DNAJC6: variants seen among roughly 807,000 people sequenced by gnomAD.
The protein encoded by DNAJC6 is DnaJ heat shock protein family (Hsp40) member C6.
Under a neutral mutation model 110.0 loss-of-function variants are expected in DNAJC6, and 34 were observed. That is an observed-to-expected ratio of 0.31 (90% CI 0.24 to 0.41). The LOEUF (loss-of-function observed/expected upper bound fraction) is 0.41, where lower values mean the gene tolerates loss of function less well. Ranked by LOEUF, DNAJC6 falls within the 10% of genes least tolerant of loss-of-function variation. The probability of loss-of-function intolerance (pLI) is 1.00; values close to 1 mark genes in which losing one functional copy is unlikely to be tolerated. For synonymous variants in DNAJC6, 406 were observed against 437.2 expected (o/e 0.93, Z 0.89); for missense variants, 1,031 against 1,207.8 (o/e 0.85, Z 2.17).
chr1:65,398,522 A>G (rs967105925), intron 13 of DNAJC6, among the ~76,000 whole-genome samples: 2 of 152,238 alleles, frequency 1.3e-5, no homozygotes, highest in Non-Finnish European at 1.5e-5. Flanking sequence ...CACATGCTCA[A>G]TGATAACTCA....
chr1:65,387,069 T>C, intron 8 of DNAJC6, 140 bp downstream of exon 8: 1 of 714,180 alleles, frequency 1.4e-6, no homozygotes, highest in South Asian at 1.8e-5. Flanking sequence ...ATTGCTTAGC[T>C]CACCTCCTTC....
intron 1 of DNAJC6, among the ~76,000 whole-genome samples, chr1:65,317,844 T>C (rs1396336716): frequency 1.3e-5 from 2 of 152,214 alleles, no homozygotes; most frequent in African/African-American, 4.8e-5. Context: ...GAAGGAGCCA[T>C]AATTTTAACC....
At chr1:65,383,088 G>A (rs1300781175) in intron 5 of DNAJC6, among the ~76,000 whole-genome samples, 1 of 152,162 alleles carries the variant, frequency 6.6e-6, no homozygotes, top group African/African-American at 2.4e-5. Context: ...AACATATTCA[G>A]TATAAGGAAG....
intron 1 of DNAJC6, chr1:65,279,235 T>A (rs1209891390): frequency 1.2e-6 from 1 of 866,152 alleles, no homozygotes; most frequent in Non-Finnish European, 1.4e-6. Flanking sequence ...GTGCAGAGAT[T>A]GAACCCAGCT....
chr1:65,315,501 T>C (rs934834031), intron 1 of DNAJC6, among the ~76,000 whole-genome samples: 1 of 152,210 alleles, frequency 6.6e-6, no homozygotes, highest in African/African-American at 2.4e-5. Flanking sequence ...TAAATATATA[T>C]GCTTTACACA....
At chr1:65,389,176 C>G in intron 9 of DNAJC6, 80 bp from the exon 10 acceptor site, 1 of 1,315,790 alleles carries the variant, frequency 7.6e-7, no homozygotes, top group African/African-American at 1.5e-5. Context: ...TAAGAGTCAA[C>G]CTAAGATGAC....
At position 65,413,780 on chromosome 1, in the gene DNAJC6, T is replaced by A. The variant is rs1188778242; in HGVS notation, c.*755T>A. On this transcript the variant is annotated 3_prime_UTR_variant, in exon 19 of 19. Transcript: ENST00000371069. ...TTCTTTCCCTTTAGAAAACTGTGAT[T>A]AATTAAATAAAAAGTCTTACTACTA... 1 of 152,188 alleles carries A rather than the reference T, an allele frequency of 6.6e-6. No individual in the cohort carries two copies. Among genetic ancestry groups the A allele is most frequent in the Non-Finnish European group, 1.5e-5 (1 of 68,036 alleles). 9.4% of individuals were successfully genotyped at this position (152,188 alleles called of 1,614,324 possible).
At chr1:65,323,917 T>C (rs994498243) in intron 1 of DNAJC6, among the ~76,000 whole-genome samples, 1 of 152,190 alleles carries the variant, frequency 6.6e-6, no homozygotes, top group African/African-American at 2.4e-5. Flanking sequence ...CAATAATGCC[T>C]TTCTTATCAG....
intron 1 of DNAJC6, among the ~76,000 whole-genome samples, chr1:65,321,582 A>G (rs1645197775): frequency 6.6e-6 from 1 of 152,094 alleles, no homozygotes; most frequent in South Asian, 2.1e-4. Context: ...AAGATTTCCC[A>G]TATATCCCCT....
chr1:65,316,737 G>T (rs1645152301), intron 1 of DNAJC6, among the ~76,000 whole-genome samples: 1 of 152,196 alleles, frequency 6.6e-6, no homozygotes, highest in African/African-American at 2.4e-5. Context: ...TCGAAAGCTA[G>T]ACCAATTCAG....
intron 1 of DNAJC6, among the ~76,000 whole-genome samples, chr1:65,330,083 A>G (rs1421080136): frequency 6.6e-6 from 1 of 152,108 alleles, no homozygotes; most frequent in Non-Finnish European, 1.5e-5. Flanking sequence ...TTGAAACCTA[A>G]TCTTGCCTTT....
At chr1:65,324,133 A>G (rs1040792644) in intron 1 of DNAJC6, among the ~76,000 whole-genome samples, 3 of 151,920 alleles carry the variant, frequency 2.0e-5, no homozygotes, top group African/African-American at 7.3e-5. Context: ...TGTCTTTGTT[A>G]TATCCATTTT....
intron 1 of DNAJC6, among the ~76,000 whole-genome samples, chr1:65,359,058 G>C (rs1570322667): frequency 6.6e-6 from 1 of 152,192 alleles, no homozygotes; most frequent in Non-Finnish European, 1.5e-5. Context: ...AAATGTTTAT[G>C]AAAAGCAGCC....
At chr1:65,410,718 C>A (rs778780321) in intron 17 of DNAJC6, among the ~76,000 whole-genome samples, 35 of 152,164 alleles carry the variant, frequency 2.3e-4, no homozygotes, top group Non-Finnish European at 4.7e-4. Flanking sequence ...ACGTAACAAG[C>A]CTTTTTGAGC....
At position 65,415,480 on chromosome 1, in the gene DNAJC6, A is replaced by ACT. The variant is rs1229023429; in HGVS notation, c.*2456_*2457insTC. ...CACACACACACACACACACACACAC[A>ACT]CACACATGCACGCACACATGATTTT... On this transcript the variant is annotated 3_prime_UTR_variant, in exon 19 of 19. Coordinates refer to ENST00000371069, the MANE Select transcript of DNAJC6 (RefSeq NM_001256864.2). 5.3e-5 allele frequency: 8 copies of ACT among 151,822 alleles called. No homozygotes were observed. The highest frequency in any genetic ancestry group is 1.9e-4 in the African/African-American group (8 of 41,218). 9.4% of individuals were successfully genotyped at this position (151,822 alleles called of 1,614,324 possible).
intron 8 of DNAJC6, 40 bp downstream of exon 8, chr1:65,386,969 G>C: frequency 6.8e-7 from 1 of 1,472,772 alleles, no homozygotes; most frequent in Non-Finnish European, 9.5e-7. Flanking sequence ...GTTCATCTGA[G>C]TCTTCAATAG....
At chr1:65,404,591 A>G (rs965209478) in intron 15 of DNAJC6, among the ~76,000 whole-genome samples, 3 of 152,238 alleles carry the variant, frequency 2.0e-5, no homozygotes, top group Admixed American at 6.5e-5. Context: ...TGAATGACAG[A>G]GCTGAGACTC....
chr1:65,349,136 A>G (rs956680071), intron 1 of DNAJC6, among the ~76,000 whole-genome samples: 1 of 147,212 alleles, frequency 6.8e-6, no homozygotes, highest in Non-Finnish European at 1.5e-5. Context: ...ATAAATATAT[A>G]TGTAAATATA....
At chr1:65,363,202 G>A (rs929039586) in intron 1 of DNAJC6, among the ~76,000 whole-genome samples, 4 of 152,116 alleles carry the variant, frequency 2.6e-5, no homozygotes, top group East Asian at 1.9e-4. Flanking sequence ...CCCCTGACCC[G>A]TGGAGATTAC....
Sources: gnomAD v4.1 joint callset for allele counts (sites outside exome capture counted in the v4.1 genomes callset) on GRCh38, gnomAD v4.1.1 for gene constraint, MANE v1.5 for transcripts, NCBI Gene and HGNC (gene_info 2026-07-23, HGNC 2026-07-21) for gene names.